Variants in CHODL observed in about 807,000 individuals in gnomAD.
CHODL encodes the protein transmembrane protein MT75.
CHODL carries 29 observed loss-of-function variants against 34.5 expected under a neutral mutation model. That is an observed-to-expected ratio of 0.84 (90% confidence interval 0.63 to 1.15). The LOEUF (loss-of-function observed/expected upper bound fraction) is 1.15. CHODL is among the 50% of genes most tolerant of loss of function. The probability of loss-of-function intolerance (pLI) is 0.00; values close to 1 mark genes in which losing one functional copy is unlikely to be tolerated. For synonymous variants in CHODL, 125 were observed against 116.1 expected (o/e 1.08, Z -0.49); for missense variants, 332 against 332.5 (o/e 1.00, Z 0.01).
chr21:18,089,086 T>G (rs1291579394), intron 2 of CHODL, among the ~76,000 whole-genome samples: 1 of 152,222 alleles, frequency 6.6e-6, no homozygotes, highest in Non-Finnish European at 1.5e-5. Flanking sequence ...TAAATCCTTT[T>G]TCAAACTTGA....
chr21:18,122,055 A>G (rs1449422296), intron 2 of CHODL, among the ~76,000 whole-genome samples: 1 of 152,210 alleles, frequency 6.6e-6, no homozygotes, highest in Non-Finnish European at 1.5e-5. Flanking sequence ...CTAAAGAGCA[A>G]CTATACTCTT....
chr21:18,006,857 T>C (rs2063965662), intron 1 of CHODL, among the ~76,000 whole-genome samples: 1 of 152,250 alleles, frequency 6.6e-6, no homozygotes, highest in Non-Finnish European at 1.5e-5. Flanking sequence ...TGGCAGCTTC[T>C]TGAAGCACTT....
At chr21:17,932,913 T>G (rs1313571210) in intron 1 of CHODL, among the ~76,000 whole-genome samples, 1 of 152,068 alleles carries the variant, frequency 6.6e-6, no homozygotes, top group Non-Finnish European at 1.5e-5. Flanking sequence ...CTTGGGTGTT[T>G]CTCGGAGAGG....
At chr21:17,946,565 T>C (rs1190526450) in intron 1 of CHODL, among the ~76,000 whole-genome samples, 1 of 152,246 alleles carries the variant, frequency 6.6e-6, no homozygotes, top group East Asian at 1.9e-4. Context: ...TTATTAATAT[T>C]TGCTTTGTAT....
chr21:18,164,301 C>G (rs529754552), intron 2 of CHODL, among the ~76,000 whole-genome samples: 2 of 152,282 alleles, frequency 1.3e-5, no homozygotes, highest in Admixed American at 1.3e-4. Flanking sequence ...ATATTCATTG[C>G]AAGCATGAAG....
intron 2 of CHODL, among the ~76,000 whole-genome samples, chr21:18,126,562 T>A (rs549291503): frequency 6.6e-6 from 1 of 152,268 alleles, no homozygotes; most frequent in African/African-American, 2.4e-5. Flanking sequence ...ACAATATTTA[T>A]TCTTCTAATC....
rs557102518 is a variant in CHODL at position 17,995,778 on chromosome 21, C to T, written c.-144-32094C>T. Among the ~76,000 whole-genome samples, 3 of 152,330 alleles carry T rather than the reference C, an allele frequency of 2.0e-5. No homozygotes were observed. The South Asian group carries it at 6.2e-4, about 32-fold the overall frequency. On this transcript the variant is annotated intron_variant, in intron 1 of 6. Transcript: ENST00000400127. ...CTGAAGAACACTGGATCAGTCAGAA[C>T]TGGGTTTAATGCCTGTGGCCTAACT...
intron 2 of CHODL, among the ~76,000 whole-genome samples, chr21:18,105,315 C>T (rs146245699): frequency 1.5e-3 from 229 of 152,298 alleles, no homozygotes; most frequent in Middle Eastern, 3.4e-3. Context: ...GCAGAGCAAG[C>T]TGTGGTATTC....
intron 2 of CHODL, among the ~76,000 whole-genome samples, chr21:18,093,432 C>A (rs1488686739): frequency 1.3e-5 from 2 of 151,946 alleles, no homozygotes; most frequent in Non-Finnish European, 2.9e-5. Context: ...ACACAGAAAA[C>A]CACAGAATAG....
At chr21:18,128,277 G>T (rs2072602732) in intron 2 of CHODL, among the ~76,000 whole-genome samples, 1 of 103,402 alleles carries the variant, frequency 9.7e-6, no homozygotes, top group East Asian at 3.2e-4. Context: ...CTCCAGCCTG[G>T]GTGACAGAGC....
chr21:18,058,326 A>G (rs1008852863), intron 2 of CHODL, among the ~76,000 whole-genome samples: 15 of 152,182 alleles, frequency 9.9e-5, no homozygotes, highest in African/African-American at 3.6e-4. Flanking sequence ...GAACTACCCT[A>G]TGATCCAGCA....
intron 2 of CHODL, among the ~76,000 whole-genome samples, chr21:18,211,164 A>ACACACACACACACACACACACT (rs1408780890): frequency 6.6e-6 from 1 of 151,334 alleles, no homozygotes; most frequent in African/African-American, 2.4e-5. Flanking sequence ...ACACACACAC[A>ACACACACACACACACACACACT]CACACTCACA....
intron 2 of CHODL, among the ~76,000 whole-genome samples, chr21:18,123,326 T>C (rs898751761): frequency 6.6e-6 from 1 of 152,222 alleles, no homozygotes; most frequent in African/African-American, 2.4e-5. Context: ...CTCCTGTAGA[T>C]ACGGTTCCCC....
At chr21:18,027,643 G>T (rs1352129005) in intron 1 of CHODL, among the ~76,000 whole-genome samples, 1 of 152,090 alleles carries the variant, frequency 6.6e-6, no homozygotes, top group Non-Finnish European at 1.5e-5. Context: ...TCTCAATTTT[G>T]TACCTTGCTG....
chr21:18,063,112 C>T (rs540650428), intron 2 of CHODL, among the ~76,000 whole-genome samples: 1 of 152,152 alleles, frequency 6.6e-6, no homozygotes, highest in East Asian at 1.9e-4. Flanking sequence ...TAGCATATAT[C>T]CAACAAAGTT....
chr21:18,035,697 A>C (rs914388124), intron 2 of CHODL, among the ~76,000 whole-genome samples: 46 of 152,136 alleles, frequency 3.0e-4, no homozygotes, highest in African/African-American at 1.1e-3. Flanking sequence ...CATATTCACT[A>C]ATCTTTATTC....
chr21:18,086,744 C>T (rs2065012177), intron 2 of CHODL, among the ~76,000 whole-genome samples: 1 of 152,186 alleles, frequency 6.6e-6, no homozygotes, highest in Non-Finnish European at 1.5e-5. Context: ...AGCAGTTGGG[C>T]AAATGTGTCT....
chr21:18,094,453 A>G (rs553560798), intron 2 of CHODL, among the ~76,000 whole-genome samples: 2 of 152,342 alleles, frequency 1.3e-5, no homozygotes, highest in East Asian at 3.9e-4. Flanking sequence ...AGGATAAACC[A>G]TATGTTAGGT....
chr21:18,240,967 T>A (rs1274044388), upstream of CHODL, among the ~76,000 whole-genome samples: 1 of 152,206 alleles, frequency 6.6e-6, no homozygotes, highest in Non-Finnish European at 1.5e-5. Flanking sequence ...GATATCGTTA[T>A]GAACAATGAA....
Sources: gnomAD v4.1 joint callset for allele counts (sites outside exome capture counted in the v4.1 genomes callset) on GRCh38, gnomAD v4.1.1 for gene constraint, MANE v1.5 for transcripts, NCBI Gene and HGNC (gene_info 2026-07-23, HGNC 2026-07-21) for gene names.